Variants in SPINK8 observed in about 807,000 individuals in gnomAD.
The protein encoded by SPINK8 is serine peptidase inhibitor Kazal type 8 (putative).
In SPINK8, 12 loss-of-function variants were observed where a neutral mutation model predicts 14.4. That is an observed-to-expected ratio of 0.83 (90% CI 0.53 to 1.35). The LOEUF is 1.35. Ranked by LOEUF, SPINK8 falls within the 40% of genes most tolerant of loss-of-function variation. The pLI is 0.00. For missense variants in SPINK8, 103 were observed against 117.0 expected (o/e 0.88, Z 0.55); for synonymous variants, 32 against 37.6 (o/e 0.85, Z 0.55).
intron 4 of SPINK8, among the ~76,000 whole-genome samples, chr3:48,323,352 G>C (rs1187037129): frequency 2.6e-5 from 4 of 152,048 alleles, no homozygotes; most frequent in Non-Finnish European, 5.9e-5. Context: ...GCCCGCCTCA[G>C]CCTCCTAAAG....
rs528940583 is a variant in SPINK8 at position 48,326,287 on chromosome 3, G to C, written c.67+1988C>G. Among the ~76,000 whole-genome samples, 3 of 152,260 alleles carry C rather than the reference G, an allele frequency of 2.0e-5. No homozygotes were observed. The South Asian group carries it at 6.2e-4, about 32-fold the overall frequency. ...GGCTTAAGTTCTACACATTCTTGCT[G>C]TTCCTACCTTTTGAAACATTTATCA... On this transcript the variant is annotated intron_variant, in intron 4 of 7. Transcript: ENST00000434006.
chr3:48,328,399 A>C, intron 3 of SPINK8, 45 bp from the exon 4 acceptor site: 1 of 1,430,502 alleles, frequency 7.0e-7, no homozygotes, highest in African/African-American at 1.4e-5. Context: ...CATCTATGCG[A>C]AGTACAAGTT....
At chr3:48,307,554 T>G (rs1317667353) in intron 7 of SPINK8, among the ~76,000 whole-genome samples, 1 of 119,088 alleles carries the variant, frequency 8.4e-6, no homozygotes, top group African/African-American at 3.5e-5. Flanking sequence ...CCCCCACCTC[T>G]TCTGGAATTA....
At chr3:48,325,915 C>CTTTTTT (rs71074233) in intron 4 of SPINK8, among the ~76,000 whole-genome samples, 1 of 141,730 alleles carries the variant, frequency 7.1e-6, no homozygotes, top group Non-Finnish European at 1.5e-5. Flanking sequence ...CTTTTCTTTT[C>CTTTTTT]TTTTTTTTTT....
chr3:48,319,906 G>A (rs964919883), intron 5 of SPINK8, among the ~76,000 whole-genome samples: 1 of 152,184 alleles, frequency 6.6e-6, no homozygotes, highest in Non-Finnish European at 1.5e-5. Flanking sequence ...CACTTTGGGA[G>A]TCCGAGGTGG....
intron 6 of SPINK8, among the ~76,000 whole-genome samples, chr3:48,311,741 G>A (rs539279622): frequency 3.4e-4 from 51 of 152,102 alleles, no homozygotes; most frequent in African/African-American, 1.2e-3. Context: ...AAATAAAGAA[G>A]GCCTAAATAA....
intron 5 of SPINK8, 57 bp from the exon 6 acceptor site, chr3:48,319,675 T>G: frequency 6.2e-7 from 1 of 1,607,670 alleles, no homozygotes; most frequent in Non-Finnish European, 8.5e-7. Context: ...CCTTTGGCCG[T>G]TATTATGTAT....
intron 6 of SPINK8, among the ~76,000 whole-genome samples, chr3:48,314,925 C>G (rs1428902982): frequency 6.6e-6 from 1 of 152,230 alleles, no homozygotes; most frequent in Non-Finnish European, 1.5e-5. Flanking sequence ...CATCTCATCT[C>G]TAACTAATCT....
intron 4 of SPINK8, among the ~76,000 whole-genome samples, chr3:48,324,998 T>A (rs1292087493): frequency 6.6e-6 from 1 of 152,236 alleles, no homozygotes; most frequent in Non-Finnish European, 1.5e-5. Flanking sequence ...TGTTCATAAT[T>A]GTTTTATCTT....
chr3:48,326,884 C>G (rs888899871), intron 4 of SPINK8, among the ~76,000 whole-genome samples: 7 of 150,748 alleles, frequency 4.6e-5, no homozygotes, highest in Admixed American at 2.0e-4. Flanking sequence ...GCACTCCAGC[C>G]TGGGTAACAG....
chr3:48,325,222 T>G (rs1019748573), intron 4 of SPINK8, among the ~76,000 whole-genome samples: 14 of 151,432 alleles, frequency 9.2e-5, no homozygotes, highest in African/African-American at 3.2e-4. Flanking sequence ...TGGATGTTGG[T>G]TTTTTTTTGT....
At position 48,333,506 on chromosome 3, in the gene SPINK8, C is replaced by T. The variant is rs145668087; in HGVS notation, c.-242+29G>A. On this transcript the variant is annotated intron_variant, in intron 1 of 7. Transcript: ENST00000434006. Reference sequence around the variant, plus strand: ...TTCAGGGTGCGTAACCACCCACGGACCTCTGCTTATCAGATTAGTTACACT... The same window carrying T: ...TTCAGGGTGCGTAACCACCCACGGATCTCTGCTTATCAGATTAGTTACACT... Among the ~76,000 whole-genome samples, 214 of 152,282 alleles carry T rather than the reference C, an allele frequency of 1.4e-3. 1 individual carries two copies. Among genetic ancestry groups the T allele is most frequent in the Middle Eastern group, 0.01 (3 of 294 alleles).
intron 6 of SPINK8, among the ~76,000 whole-genome samples, chr3:48,312,365 G>A (rs1487789758): frequency 6.6e-6 from 1 of 152,064 alleles, no homozygotes; most frequent in African/African-American, 2.4e-5. Context: ...TAGACAGGGT[G>A]GGCATGGTGG....
chr3:48,313,766 A>G (rs1288908882), intron 6 of SPINK8, among the ~76,000 whole-genome samples: 1 of 152,242 alleles, frequency 6.6e-6, no homozygotes, highest in East Asian at 1.9e-4. Flanking sequence ...CATAATGGAA[A>G]ACTATTCAGT....
intron 7 of SPINK8, among the ~76,000 whole-genome samples, chr3:48,307,961 C>CTTTTTTTTT (rs869147798): frequency 7.3e-5 from 5 of 68,222 alleles, no homozygotes; most frequent in African/African-American, 1.9e-4. Flanking sequence ...AGTCTGCATT[C>CTTTTTTTTT]TTTTTTTTTT....
At chr3:48,329,816 T>C (rs2036222269) in intron 2 of SPINK8, among the ~76,000 whole-genome samples, 1 of 152,212 alleles carries the variant, frequency 6.6e-6, no homozygotes, top group African/African-American at 2.4e-5. Flanking sequence ...TGTAAGCCAC[T>C]GATTTGGCCT....
chr3:48,328,143 A>G, intron 4 of SPINK8, 132 bp downstream of exon 4: 1 of 701,708 alleles, frequency 1.4e-6, no homozygotes, highest in Admixed American at 3.2e-5. Context: ...TCTGGGTTTT[A>G]ATTTCTACAT....
chr3:48,316,705 C>T (rs376191173), intron 6 of SPINK8, among the ~76,000 whole-genome samples: 1 of 151,776 alleles, frequency 6.6e-6, no homozygotes, highest in Non-Finnish European at 1.5e-5. Flanking sequence ...CCCAGGAGGT[C>T]GAGGCTGCAG....
intron 2 of SPINK8, among the ~76,000 whole-genome samples, chr3:48,330,195 T>A (rs111549036): frequency 2.0e-5 from 3 of 152,150 alleles, no homozygotes; most frequent in Admixed American, 1.3e-4. Flanking sequence ...CTTATATATA[T>A]TTTTAAGTTA....
Sources: gnomAD v4.1 joint callset for allele counts (sites outside exome capture counted in the v4.1 genomes callset) on GRCh38, gnomAD v4.1.1 for gene constraint, MANE v1.5 for transcripts, NCBI Gene and HGNC (gene_info 2026-07-23, HGNC 2026-07-21) for gene names.